HUS1: variants seen among roughly 807,000 people sequenced by gnomAD.
HUS1 encodes the protein HUS1 checkpoint clamp component, also known as checkpoint protein HUS1.
In HUS1, 31 loss-of-function variants were observed where a neutral mutation model predicts 32.6. That is an observed-to-expected ratio of 0.95 (90% CI 0.72 to 1.28). The LOEUF (loss-of-function observed/expected upper bound fraction) is 1.28, where lower values mean the gene tolerates loss of function less well. Among genes scored for constraint, HUS1 ranks in the 50% most tolerant of loss-of-function variants. The pLI is 0.00. For synonymous variants in HUS1, 123 were observed against 116.6 expected (o/e 1.06, Z -0.36); for missense variants, 340 against 337.7 (o/e 1.01, Z -0.05).
At chr7:47,971,753 A>T (rs1233714485) in intron 5 of HUS1, among the ~76,000 whole-genome samples, 1 of 152,192 alleles carries the variant, frequency 6.6e-6, no homozygotes, top group Non-Finnish European at 1.5e-5. Context: ...AACTGGTCTT[A>T]TTTAGGGCCA....
At position 47,969,033 on chromosome 7, in the gene HUS1, C is replaced by G. The variant is rs1788539280; in HGVS notation, c.640+186G>C. ...CTACTTGGTGGCACAGCTTCTCCCCCTGGTGGCTAACTGCCCCACTACACC... is the reference window on the plus strand; with the variant it reads ...CTACTTGGTGGCACAGCTTCTCCCCGTGGTGGCTAACTGCCCCACTACACC... On this transcript the variant is annotated intron_variant, in intron 6 of 7. Transcript: ENST00000258774. 9.4e-6 allele frequency: 5 copies of G among 532,822 alleles called. No individual in the cohort carries two copies. In the East Asian group the frequency reaches 1.3e-4, roughly 14 times the overall value. The allele number at this position is 532,822 out of a possible 1,614,324, so 33.0% of individuals were successfully genotyped here.
intron 1 of HUS1, among the ~76,000 whole-genome samples, chr7:47,979,165 T>C (rs953954337): frequency 6.6e-6 from 1 of 152,170 alleles, no homozygotes; most frequent in Non-Finnish European, 1.5e-5. Context: ...TGAAGGTATG[T>C]CAATGCCTGA....
At chr7:47,979,311 C>A in intron 1 of HUS1, 157 bp downstream of exon 1, 1 of 472,556 alleles carries the variant, frequency 2.1e-6, no homozygotes, top group Non-Finnish European at 3.7e-6. Flanking sequence ...CCCGGCCCCA[C>A]CCTCCCGCGG....
chr7:47,969,561 A>T (rs917610105), intron 5 of HUS1, among the ~76,000 whole-genome samples: 5 of 152,200 alleles, frequency 3.3e-5, no homozygotes, highest in Non-Finnish European at 4.4e-5. Flanking sequence ...CGGAATGAAG[A>T]ACTCAGTGAA....
chr7:47,976,268 G>T, intron 4 of HUS1: 1 of 435,480 alleles, frequency 2.3e-6, no homozygotes, highest in South Asian at 1.6e-5. Context: ...GAGGAAATGG[G>T]CCCTTTGGCA....
At chr7:47,969,711 G>A (rs535188729) in intron 5 of HUS1, among the ~76,000 whole-genome samples, 10 of 152,138 alleles carry the variant, frequency 6.6e-5, no homozygotes, top group South Asian at 2.1e-4. Flanking sequence ...AAGGAACCAC[G>A]GGAAGTAAGA....
At chr7:47,968,743 C>G (rs967275829) in intron 6 of HUS1, 2 of 154,778 alleles carry the variant, frequency 1.3e-5, no homozygotes, top group Admixed American at 1.3e-4. Flanking sequence ...TGAACTGACT[C>G]TATCGTCCCT....
intron 5 of HUS1, among the ~76,000 whole-genome samples, chr7:47,969,654 G>A (rs1170108266): frequency 6.6e-6 from 1 of 152,164 alleles, no homozygotes; most frequent in Non-Finnish European, 1.5e-5. Context: ...AGGGCTGGGT[G>A]GAGCTGATGA....
At chr7:47,966,874 C>A (rs1475183746) in intron 7 of HUS1, among the ~76,000 whole-genome samples, 2 of 152,362 alleles carry the variant, frequency 1.3e-5, no homozygotes, top group African/African-American at 4.8e-5. Context: ...TCTCTACCCT[C>A]AGAGCTGCTT....
In HUS1 at chr7:47,979,601, G is replaced by C. The variant is rs543611969; in HGVS notation, c.-82C>G. 43 of 1,130,678 alleles carry C rather than the reference G, an allele frequency of 3.8e-5. No individual in the cohort carries two copies. The highest frequency in any genetic ancestry group is 4.9e-5 in the Non-Finnish European group (37 of 751,312). The allele number at this position is 1,130,678 out of a possible 1,614,324, so 70.0% of individuals were successfully genotyped here. ...CCTGAGTGTCCCCGCCCGGAAACAC[G>C]GCAGCGCGAACAGTGGTTCCGCCCG... On this transcript the variant is annotated 5_prime_UTR_variant, in exon 1 of 8. Transcript: ENST00000258774.
chr7:47,966,234 C>G (rs1392879882), intron 7 of HUS1, among the ~76,000 whole-genome samples: 2 of 152,098 alleles, frequency 1.3e-5, no homozygotes, highest in Non-Finnish European at 2.9e-5. Context: ...TGAGCCGACA[C>G]CTGAAGGAGA....
Position 47,969,258 on chromosome 7 carries a change from C to A in HUS1, c.601G>T (p.Val201Phe). 2 of 1,590,042 alleles carry A rather than the reference C, an allele frequency of 1.3e-6. No individual in the cohort carries two copies. The highest frequency in any genetic ancestry group is 1.7e-6 in the Non-Finnish European group (2 of 1,162,988). Residue 201 changes from valine to phenylalanine, a missense_variant, in exon 6 of 8, where the codon GTT becomes TTT. Val to Phe is a conservative substitution (Grantham distance 50, BLOSUM62 -1). Coordinates refer to ENST00000258774, the MANE Select transcript of HUS1 (RefSeq NM_004507.4). ...CCAAGATCTTTAAAATGAGTTGTAACACATACTAATTCAGTTTCTATTTTC... is the reference window on the plus strand; with the variant it reads ...CCAAGATCTTTAAAATGAGTTGTAAAACATACTAATTCAGTTTCTATTTTC... ...NLKIETELVC[V>F]TTHFKDLGNP...
At chr7:47,969,181 C>T (rs1465989759) in intron 6 of HUS1, 38 bp downstream of exon 6, 1 of 1,046,836 alleles carries the variant, frequency 9.6e-7, no homozygotes, top group East Asian at 2.4e-5. Flanking sequence ...AAACAATTAA[C>T]TTATCCAAAG....
In HUS1 at chr7:47,971,939, C is replaced by T. The variant is rs142561435; in HGVS notation, c.541-2621G>A. 9.1e-4 allele frequency among the ~76,000 whole-genome samples: 138 copies of T among 152,262 alleles called. No homozygotes were observed. The East Asian group carries it at 0.026, about 29-fold the overall frequency. On this transcript the variant is annotated intron_variant, in intron 5 of 7. Coordinates refer to ENST00000258774, the MANE Select transcript of HUS1 (RefSeq NM_004507.4). ...ACAAAGTTTTTCTAATTTGGGTGAG[C>T]TCTTATTTCTGAGCTTTTCACATTA...
rs1310062939 is a variant in HUS1 at position 47,967,661 on chromosome 7, G to C, written c.760+145C>G. ...CTAGGAAAATTTAAAAAACCCCACT[G>C]TTCTAGGAAGTTAAAGTCCACATAA... On this transcript the variant is annotated intron_variant, in intron 7 of 7. Transcript: ENST00000258774. The C allele has an allele frequency of 3.9e-6, 3 of 766,182 alleles. No homozygotes were observed. In the South Asian group the frequency reaches 7.3e-5, roughly 19 times the overall value. 47.5% of individuals were successfully genotyped at this position (766,182 alleles called of 1,614,324 possible). A position where few individuals can be genotyped will look rare whatever the true frequency, so the allele number is the denominator to read the frequency against.
chr7:47,966,482 C>G (rs1046395498), intron 7 of HUS1, among the ~76,000 whole-genome samples: 2 of 152,156 alleles, frequency 1.3e-5, no homozygotes, highest in Admixed American at 6.5e-5. Flanking sequence ...ATACCAAGTT[C>G]AAAGACTGAT....
intron 5 of HUS1, among the ~76,000 whole-genome samples, chr7:47,970,030 A>G (rs3176576): frequency 0.1 from 15,268 of 151,766 alleles, 896 homozygotes; most frequent in South Asian, 0.2. Context: ...TCAGGAGATC[A>G]AGACCATCCT....
At chr7:47,971,639 G>A in intron 5 of HUS1, 1 of 444,444 alleles carries the variant, frequency 2.3e-6, no homozygotes. Flanking sequence ...TCTTTTTGAT[G>A]TTGATATCTG....
intron 3 of HUS1, among the ~76,000 whole-genome samples, chr7:47,977,196 G>A (rs1788723375): frequency 6.6e-6 from 1 of 152,102 alleles, no homozygotes; most frequent in Non-Finnish European, 1.5e-5. Flanking sequence ...TTAGACTGAG[G>A]AGGTGACATT....
Sources: allele counts gnomAD v4.1 joint callset (sites outside exome capture counted in the v4.1 genomes callset), GRCh38; gene constraint gnomAD v4.1.1; transcripts MANE v1.5; gene names NCBI Gene and HGNC (gene_info 2026-07-23, HGNC 2026-07-21).